Variants in MYO3B observed in about 807,000 individuals in gnomAD.
MYO3B encodes the protein myosin IIIB, also known as myosin-IIIb.
In MYO3B, 156 loss-of-function variants were observed where a neutral mutation model predicts 174.6. That is an observed-to-expected ratio of 0.89 (90% CI 0.78 to 1.02). The LOEUF (loss-of-function observed/expected upper bound fraction) is 1.02. Among genes scored for constraint, MYO3B ranks in the 50% least tolerant of loss-of-function variants. The probability of loss-of-function intolerance (pLI) is 0.00; values close to 1 mark genes in which losing one functional copy is unlikely to be tolerated. For synonymous variants in MYO3B, 563 were observed against 569.1 expected, an observed-to-expected ratio of 0.99 and a Z score of 0.15; for missense variants, 1,632 against 1,639.4, an observed-to-expected ratio of 1.00 and a Z score of 0.08.
At chr2:170,484,260 A>G (rs1685884656) in intron 25 of MYO3B, among the ~76,000 whole-genome samples, 1 of 152,196 alleles carries the variant, frequency 6.6e-6, no homozygotes, top group South Asian at 2.1e-4. Flanking sequence ...AAACTAGCTC[A>G]AAGTTACACA....
intron 23 of MYO3B, among the ~76,000 whole-genome samples, chr2:170,451,916 AT>A (rs1683614471): frequency 6.6e-6 from 1 of 152,216 alleles, no homozygotes; most frequent in Non-Finnish European, 1.5e-5. Context: ...GGAAAACACT[AT>A]GGAAGAAGAC....
chr2:170,411,353 T>G (rs770216369), intron 22 of MYO3B, among the ~76,000 whole-genome samples: 17 of 152,248 alleles, frequency 1.1e-4, no homozygotes, highest in Admixed American at 2.0e-4. Context: ...TGATATAATC[T>G]ACTATACATC....
intron 5 of MYO3B, 82 bp downstream of exon 5, chr2:170,214,910 G>T: frequency 9.4e-7 from 1 of 1,060,682 alleles, no homozygotes; most frequent in Non-Finnish European, 1.4e-6. Flanking sequence ...AGAAGACTGG[G>T]GCTTCTCTGC....
chr2:170,200,141 C>A lies in MYO3B; in HGVS notation c.187-9C>A. 1 of 1,608,532 alleles carries A rather than the reference C, an allele frequency of 6.2e-7. No homozygotes were observed. The highest frequency in any genetic ancestry group is 8.5e-7 in the Non-Finnish European group (1 of 1,177,488). On this transcript the variant is annotated splice_polypyrimidine_tract_variant and intron_variant, in intron 2 of 34. Coordinates refer to ENST00000408978, the MANE Select transcript of MYO3B (RefSeq NM_138995.5). ...TTTAATCCAGCTTGCATTTTTCTAC[C>A]CTGTTTAGGATATGGATGAAGAAAT...
At chr2:170,621,507 GTTTTTTTGTT>G (rs966201148) in intron 32 of MYO3B, among the ~76,000 whole-genome samples, 1 of 138,556 alleles carries the variant, frequency 7.2e-6, no homozygotes, top group African/African-American at 2.8e-5. Context: ...ATGTTTTTTT[GTTTTTTTGTT>G]TTTTTGTTTT....
At chr2:170,412,130 A>G (rs1350566554) in intron 22 of MYO3B, 2 of 152,254 alleles carry the variant, frequency 1.3e-5, no homozygotes, top group African/African-American at 4.8e-5. Context: ...ATAGAAAAAC[A>G]TTAAAAGGAA....
At chr2:170,179,266 T>C (rs2092368520) in intron 1 of MYO3B, among the ~76,000 whole-genome samples, 1 of 152,142 alleles carries the variant, frequency 6.6e-6, no homozygotes, top group Non-Finnish European at 1.5e-5. Flanking sequence ...TAAAGGTCAG[T>C]TCTAGTGGGA....
chr2:170,503,459 C>CTTT (rs10650053), intron 28 of MYO3B, among the ~76,000 whole-genome samples: 7,156 of 97,602 alleles, frequency 0.073, 1,427 homozygotes, highest in South Asian at 0.13. Context: ...GGGTGTCTCC[C>CTTT]TTTTTTTTTT....
At chr2:170,546,506 A>G (rs1269311111) in intron 32 of MYO3B, among the ~76,000 whole-genome samples, 3 of 152,262 alleles carry the variant, frequency 2.0e-5, no homozygotes, top group Admixed American at 6.5e-5. Flanking sequence ...AGTGGAAGAA[A>G]TTAAAATAAT....
At chr2:170,192,301 AT>A (rs11340052) in intron 1 of MYO3B, among the ~76,000 whole-genome samples, 48,567 of 150,500 alleles carry the variant, frequency 0.32, 8,847 homozygotes, top group East Asian at 0.53. Context: ...TTTGGGTTCA[AT>A]TTTTTTTATT....
intron 32 of MYO3B, among the ~76,000 whole-genome samples, chr2:170,589,967 C>T (rs944864711): frequency 2.0e-5 from 3 of 152,252 alleles, no homozygotes; most frequent in Admixed American, 1.3e-4. Flanking sequence ...CAAATACCAT[C>T]GTATTGTAAT....
chr2:170,372,118 CAAAAAAA>C (rs769243145), intron 9 of MYO3B, among the ~76,000 whole-genome samples: 10 of 22,216 alleles, frequency 4.5e-4, no homozygotes, highest in Non-Finnish European at 9.3e-4. Context: ...GACCCTGTCT[CAAAAAAA>C]AAAAAAAAAA....
intron 8 of MYO3B, among the ~76,000 whole-genome samples, chr2:170,354,783 A>G (rs1033552290): frequency 6.6e-6 from 1 of 152,130 alleles, no homozygotes; most frequent in Non-Finnish European, 1.5e-5. Flanking sequence ...CTTTGATGTA[A>G]TAGATGGAGC....
chr2:170,255,218 G>A (rs944104304), intron 7 of MYO3B, among the ~76,000 whole-genome samples: 3 of 152,154 alleles, frequency 2.0e-5, no homozygotes, highest in African/African-American at 7.2e-5. Context: ...AGACAGGTGG[G>A]AGTAGAGCCC....
At chr2:170,601,756 T>A in intron 32 of MYO3B, 1 of 1,422,760 alleles carries the variant, frequency 7.0e-7, no homozygotes, top group Non-Finnish European at 9.8e-7. Context: ...TGTAGCTGTA[T>A]CCTTTTTGTA....
chr2:170,316,686 A>ATGG (rs1185528371), intron 7 of MYO3B, among the ~76,000 whole-genome samples: 5 of 152,168 alleles, frequency 3.3e-5, no homozygotes, highest in African/African-American at 1.2e-4. Flanking sequence ...TATCTTATTC[A>ATGG]TGGTCCTTTT....
intron 20 of MYO3B, among the ~76,000 whole-genome samples, chr2:170,405,168 T>C (rs2094502520): frequency 6.6e-6 from 1 of 152,230 alleles, no homozygotes; most frequent in Admixed American, 6.5e-5. Flanking sequence ...TTCACTTTTA[T>C]GAGTTGAAAT....
intron 7 of MYO3B, among the ~76,000 whole-genome samples, chr2:170,314,701 C>G (rs961785391): frequency 6.6e-6 from 1 of 152,028 alleles, no homozygotes; most frequent in African/African-American, 2.4e-5. Flanking sequence ...TTTGTGATGG[C>G]TATGGGGAGA....
intron 32 of MYO3B, among the ~76,000 whole-genome samples, chr2:170,635,390 C>G (rs1169197114): frequency 1.3e-5 from 2 of 152,046 alleles, no homozygotes; most frequent in African/African-American, 4.8e-5. Flanking sequence ...CGTGTTCTCA[C>G]TCATAGGTGG....
Sources: allele counts gnomAD v4.1 joint callset (sites outside exome capture counted in the v4.1 genomes callset), GRCh38; gene constraint gnomAD v4.1.1; transcripts MANE v1.5; gene names NCBI Gene and HGNC (gene_info 2026-07-23, HGNC 2026-07-21).